The following USP36 variants were observed in gnomAD, a reference collection of about 807,000 sequenced individuals.
The protein encoded by USP36 is ubiquitin carboxyl-terminal hydrolase 36.
Under a neutral mutation model 111.5 loss-of-function variants are expected in USP36, and 59 were observed. The ratio of observed to expected loss-of-function variants is 0.53; its 90% CI spans 0.43 to 0.66. The LOEUF (loss-of-function observed/expected upper bound fraction) is 0.66, where lower values mean the gene tolerates loss of function less well. USP36 is among the 30% of genes least tolerant of loss of function. USP36 has a pLI of 0.00. For synonymous variants in USP36, 628 were observed against 581.0 expected, an observed-to-expected ratio of 1.08 and a Z score of -1.16; for missense variants, 1,488 against 1,468.0, an observed-to-expected ratio of 1.01 and a Z score of -0.22.
chr17:78,804,673 TAA>T (rs1318900935), intron 15 of USP36, among the ~76,000 whole-genome samples: 19 of 143,548 alleles, frequency 1.3e-4, no homozygotes, highest in African/African-American at 4.1e-4. Flanking sequence ...CACGTGATTT[TAA>T]AAGTCAAAAA....
Position 78,788,172 on chromosome 17 carries a change from A to T in USP36, c.*21-514T>A, listed in dbSNP as rs573099046. 3.7e-3 allele frequency among the ~76,000 whole-genome samples: 546 copies of T among 148,366 alleles called. 7 individuals are homozygous for T. The highest frequency in any genetic ancestry group is 4.1e-3 in the Non-Finnish European group (273 of 66,750). On this transcript the variant is annotated intron_variant, in intron 3 of 3. Transcript: ENST00000588130. ...TATGCATAGGTTATTTTATTTATTT[A>T]TTTTTTTTTTTGAGACAGAGCCTCA...
chr17:78,803,900 G>A lies in USP36; in HGVS notation c.2295C>T (p.Thr765=). The change falls in exon 16 of 21, where the codon ACC becomes ACT. Residue 765 remains threonine, a synonymous_variant. Transcript: ENST00000449938. The surrounding 1 kb of genome is among the most constrained non-coding windows in gnomAD (Gnocchi z 4.6). ...GTTCTGACGTCCCTGGGGGCTTGGG[G>A]GTACTGGACAGCAATGTGGGGTGGG... The part of the protein sequence containing the change: ...FSPHPTLLSS[T]PKPPGTSEPR... 1 of 1,611,142 alleles carries A rather than the reference G, an allele frequency of 6.2e-7. No individual in the cohort carries two copies.
At chr17:78,812,302 G>C (rs1366239749) in intron 13 of USP36, among the ~76,000 whole-genome samples, 1 of 152,192 alleles carries the variant, frequency 6.6e-6, no homozygotes, top group Admixed American at 6.5e-5. Flanking sequence ...GAGTAGAACA[G>C]ATCTGTGAAT....
At position 78,806,189 on chromosome 17, in the gene USP36, A is replaced by G. The variant is rs1218091553; in HGVS notation, c.2183T>C (p.Val728Ala). 2 of 1,613,360 alleles carry G rather than the reference A, an allele frequency of 1.2e-6. No individual in the cohort carries two copies. The highest frequency in any genetic ancestry group is 2.2e-5 in the South Asian group (2 of 91,044). The change falls in exon 15 of 21, where the codon GTC becomes GCC. Residue 728 changes from valine (V) to alanine (A), a missense_variant. By Grantham distance (64) the Val-to-Ala change is moderately conservative. Around this residue, in one of 3 missense-constraint regions of USP36, gnomAD observed 1,073 missense variants for 994.1 expected, o/e 1.08. Coordinates refer to ENST00000449938, the MANE Select transcript of USP36 (RefSeq NM_001385174.1). ...LTHPMKTSHP[V>A]VASTWPVHRA... is the part of the protein sequence containing the mutation. Reference sequence around the variant, plus strand: ...ATGGACGGGCCAAGTGGAGGCAACGACGGGGTGAGAGGTTTTCATGGGGTG... The same window carrying G: ...ATGGACGGGCCAAGTGGAGGCAACGGCGGGGTGAGAGGTTTTCATGGGGTG...
intron 13 of USP36, among the ~76,000 whole-genome samples, chr17:78,810,185 C>T: frequency 6.6e-6 from 1 of 152,054 alleles, no homozygotes; most frequent in East Asian, 1.9e-4. Context: ...CCAGCGTGAT[C>T]ATGGCTCACT....
chr17:78,812,572 C>T (rs1309486461), intron 13 of USP36, among the ~76,000 whole-genome samples: 1 of 151,748 alleles, frequency 6.6e-6, no homozygotes, highest in Non-Finnish European at 1.5e-5. Context: ...CACCTATAAT[C>T]CCAGCTACTA....
At chr17:78,806,112 G>A (rs1483068528) in intron 15 of USP36, 44 bp downstream of exon 15, 4 of 1,611,240 alleles carry the variant, frequency 2.5e-6, no homozygotes, top group Admixed American at 3.4e-5. Flanking sequence ...CGCAACCACA[G>A]GGAGAACCAG....
At position 78,807,482 on chromosome 17, in the gene USP36, G is replaced by C; in HGVS notation, c.1562C>G (p.Thr521Arg). 6.2e-7 allele frequency: 1 copy of C among 1,614,070 alleles called. No individual in the cohort carries two copies. The highest frequency in any genetic ancestry group is 8.5e-7 in the Non-Finnish European group (1 of 1,179,952). The change falls in exon 14 of 21, where the codon ACA becomes AGA. Residue 521 changes from threonine (T) to arginine (R), a missense_variant. Around this residue, in one of 3 missense-constraint regions of USP36, gnomAD observed 1,073 missense variants for 994.1 expected, o/e 1.08. Transcript: ENST00000449938. ...SGSPSPKLSQ[T>R]PTHMPTILDD... ...TAGGATGGTTGGCATGTGTGTGGGTGTCTGGGAGAGTTTGGGGGAAGGGGA... is the reference window on the plus strand; with the variant it reads ...TAGGATGGTTGGCATGTGTGTGGGTCTCTGGGAGAGTTTGGGGGAAGGGGA...
intron 10 of USP36, among the ~76,000 whole-genome samples, chr17:78,815,340 AAAAC>A (rs964842853): frequency 8.5e-5 from 13 of 152,154 alleles, no homozygotes; most frequent in Admixed American, 1.3e-4. Context: ...CAAAACAATC[AAAAC>A]AAACAAACAA....
chr17:78,809,898 G>A (rs960470685), intron 13 of USP36, among the ~76,000 whole-genome samples: 2 of 151,928 alleles, frequency 1.3e-5, no homozygotes, highest in Non-Finnish European at 2.9e-5. Context: ...CCAGGCTGGA[G>A]TGCAGTGGCA....
chr17:78,789,887 C>T (rs1325637116), intron 3 of USP36, among the ~76,000 whole-genome samples: 1 of 152,170 alleles, frequency 6.6e-6, no homozygotes, highest in African/African-American at 2.4e-5. Context: ...GGAATTAGTG[C>T]AGTGTGGACT....
intron 3 of USP36, among the ~76,000 whole-genome samples, chr17:78,788,702 G>T (rs1203771750): frequency 6.6e-6 from 1 of 152,078 alleles, no homozygotes; most frequent in Non-Finnish European, 1.5e-5. Context: ...AGGGACTCGG[G>T]TCCATGGGGT....
At chr17:78,813,082 G>T in intron 12 of USP36, 81 bp from the exon 13 acceptor site, 1 of 1,564,772 alleles carries the variant, frequency 6.4e-7, no homozygotes, top group African/African-American at 1.4e-5. Flanking sequence ...GTTAAGGCGG[G>T]GCAAAGGCAG....
At chr17:78,791,026 A>C (rs2093578989), downstream of USP36, among the ~76,000 whole-genome samples, 1 of 152,130 alleles carries the variant, frequency 6.6e-6, no homozygotes, top group Admixed American at 6.5e-5. Context: ...CAATCATGAT[A>C]ATTTGAATCT....
chr17:78,819,936 C>T lies in USP36; in HGVS notation c.905G>A (p.Cys302Tyr), dbSNP rs1271323409. Residue 302 changes from cysteine to tyrosine, a missense_variant, in exon 9 of 21, where the codon TGT becomes TAT. Cys to Tyr is a radical substitution (Grantham distance 194, BLOSUM62 -2). Around this residue, in one of 3 missense-constraint regions of USP36, gnomAD observed 196 missense variants for 264.4 expected, o/e 0.74. Coordinates refer to ENST00000449938, the MANE Select transcript of USP36 (RefSeq NM_001385174.1). The part of the protein sequence containing the change: ...DVLSGENAYM[C>Y]AKCKKKVPAS... Reference sequence around the variant, plus strand: ...CAAGCAACGTGAAACTTACTTAGCACACATGTAGGCATTCTCTCCACTCAG... The same window carrying T: ...CAAGCAACGTGAAACTTACTTAGCATACATGTAGGCATTCTCTCCACTCAG... 6.2e-7 allele frequency: 1 copy of T among 1,614,042 alleles called. No individual in the cohort carries two copies.
At position 78,829,004 on chromosome 17, in the gene USP36, T is replaced by C. The variant is rs1599086449; in HGVS notation, c.479A>G (p.His160Arg). Residue 160 changes from histidine (H) to arginine (R), a missense_variant, in exon 5 of 21, where the codon CAC becomes CGC. By Grantham distance (29) the His-to-Arg change is conservative. Coordinates refer to ENST00000449938, the MANE Select transcript of USP36 (RefSeq NM_001385174.1). ...ACACAGCATGCAGAAGCTTCCCTGGTGGCCTGCCGGCGTGGAAGGAGGAGC... is the reference window on the plus strand; with the variant it reads ...ACACAGCATGCAGAAGCTTCCCTGGCGGCCTGCCGGCGTGGAAGGAGGAGC... ...LLSKEHARSC[H>R]QGSFCMLCVM... The C allele has an allele frequency of 6.2e-7, 1 of 1,612,180 alleles. No individual in the cohort carries two copies.
rs542311539 is a variant in USP36 at position 78,825,809 on chromosome 17, G to A, written c.689+1436C>T. On this transcript the variant is annotated intron_variant, in intron 6 of 20. Transcript: ENST00000449938. ...ATAGGCTCGCTGCACTCCCCCTGCA[G>A]GTGCTGGGGACACCGCAACCCTCCT... 7.9e-5 allele frequency among the ~76,000 whole-genome samples: 12 copies of A among 152,310 alleles called. 1 individual carries two copies. Among genetic ancestry groups the A allele is most frequent in the African/African-American group, 2.2e-4 (9 of 41,572 alleles).
chr17:78,816,434 T>C (rs1348375057), intron 10 of USP36, among the ~76,000 whole-genome samples: 1 of 152,096 alleles, frequency 6.6e-6, no homozygotes, highest in Admixed American at 6.5e-5. Flanking sequence ...AAGACCAGCC[T>C]GGCCAACATG....
chr17:78,799,555 G>T, intron 18 of USP36, 112 bp downstream of exon 18: 3 of 947,870 alleles, frequency 3.2e-6, no homozygotes, highest in Middle Eastern at 2.1e-4. Context: ...TCTCAAAGCC[G>T]AGCGATGCCC....
Sources: gnomAD v4.1 joint callset for allele counts (sites outside exome capture counted in the v4.1 genomes callset) on GRCh38, gnomAD v4.1.1 for gene constraint, gnomAD v4.1.1 regional missense constraint, Gnocchi (gnomAD v3.1) non-coding constraint, MANE v1.5 for transcripts, NCBI Gene and HGNC (gene_info 2026-07-23, HGNC 2026-07-21) for gene names.